RAP1A: variants seen among roughly 807,000 people sequenced by gnomAD.
RAP1A encodes the protein RAP1A, member of RAS oncogene family.
A neutral mutation model predicts 26.4 loss-of-function variants in RAP1A; 6 were observed. The ratio of observed to expected loss-of-function variants is 0.23; its 90% confidence interval spans 0.12 to 0.45. RAP1A has a LOEUF of 0.45. RAP1A is among the 20% of genes least tolerant of loss of function. The pLI is 0.99. For missense variants in RAP1A, 121 were observed against 217.2 expected, an observed-to-expected ratio of 0.56 and a Z score of 2.78; for synonymous variants, 73 against 79.4, an observed-to-expected ratio of 0.92 and a Z score of 0.43.
intron 1 of RAP1A, among the ~76,000 whole-genome samples, chr1:111,582,236 T>A (rs1362605777): frequency 6.6e-6 from 1 of 152,148 alleles, no homozygotes; most frequent in Non-Finnish European, 1.5e-5. Flanking sequence ...TTGGTGAGGC[T>A]ATGTGACTGA....
At chr1:111,657,133 C>T (rs1030132321) in intron 1 of RAP1A, among the ~76,000 whole-genome samples, 9 of 152,048 alleles carry the variant, frequency 5.9e-5, no homozygotes, top group African/African-American at 1.9e-4. Flanking sequence ...CATCAAAGAA[C>T]ACATCAAGGT....
intron 1 of RAP1A, among the ~76,000 whole-genome samples, chr1:111,588,942 C>T (rs531179275): frequency 6.6e-6 from 1 of 152,220 alleles, no homozygotes; most frequent in Non-Finnish European, 1.5e-5. Context: ...GTGAATAAGG[C>T]ATTTTTTATA....
chr1:111,713,205 T>G lies in RAP1A; in HGVS notation c.*804T>G, dbSNP rs1413323764. On this transcript the variant is annotated 3_prime_UTR_variant, in exon 8 of 8. Coordinates refer to ENST00000369709, the MANE Select transcript of RAP1A (RefSeq NM_002884.4). ...TTTAAATGCGACAGTAGCTCCTTTC[T>G]GCCTAGTATCTGCAGAACACTGGCT... 2 of 152,532 alleles carry G rather than the reference T, an allele frequency of 1.3e-5. No individual in the cohort carries two copies. The highest frequency in any genetic ancestry group is 1.3e-4 in the Admixed American group (2 of 15,292). The allele number at this position is 152,532 out of a possible 1,614,324, so 9.4% of individuals were successfully genotyped here.
intron 1 of RAP1A, among the ~76,000 whole-genome samples, chr1:111,690,111 T>G (rs1661623828): frequency 6.6e-6 from 1 of 152,192 alleles, no homozygotes; most frequent in Admixed American, 6.5e-5. Context: ...TTCAGACAAG[T>G]GGTTGAGTTA....
rs6681039 is a variant in RAP1A, at chr1:111,612,059, C to T, written c.-28+69550C>T. 7.5e-3 allele frequency among the ~76,000 whole-genome samples: 1,128 copies of T among 150,014 alleles called. 13 individuals are homozygous for T. The highest frequency in any genetic ancestry group is 0.026 in the African/African-American group (1,062 of 40,704). On this transcript the variant is annotated intron_variant, in intron 1 of 7. Transcript: ENST00000356415. ...AATAAATGATGTTAATTCACATCTA[C>T]AAAACTAGGCTTCTGGATTTCTCTT...
chr1:111,682,531 A>G (rs1661330705), intron 1 of RAP1A, among the ~76,000 whole-genome samples: 2 of 152,008 alleles, frequency 1.3e-5, no homozygotes, highest in Admixed American at 1.3e-4. Context: ...GGGGGTTGCA[A>G]TCCTAGTCTC....
At chr1:111,704,195 T>A in intron 5 of RAP1A, 148 bp from the exon 6 acceptor site, 5 of 520,974 alleles carry the variant, frequency 9.6e-6, no homozygotes, top group East Asian at 4.4e-5. Flanking sequence ...CCTCTTCCCC[T>A]CAACATATAC....
At chr1:111,615,252 AGG>A (rs1658993271), upstream of RAP1A, among the ~76,000 whole-genome samples, 1 of 151,958 alleles carries the variant, frequency 6.6e-6, no homozygotes, top group South Asian at 2.1e-4. Context: ...TTTTTAAAAT[AGG>A]GTGGAGTCAT....
intron 1 of RAP1A, among the ~76,000 whole-genome samples, chr1:111,622,021 A>C (rs1284841358): frequency 1.3e-5 from 2 of 152,320 alleles, no homozygotes; most frequent in African/African-American, 4.8e-5. Context: ...GTATATGCAC[A>C]TGTTCATTTA....
At chr1:111,641,268 TAA>T (rs1331071719) in intron 1 of RAP1A, among the ~76,000 whole-genome samples, 3 of 152,216 alleles carry the variant, frequency 2.0e-5, no homozygotes, top group African/African-American at 7.2e-5. Flanking sequence ...TCTTCAGAGA[TAA>T]GTTTTGTCAA....
chr1:111,584,671 C>T (rs1658326327), intron 1 of RAP1A, among the ~76,000 whole-genome samples: 1 of 152,118 alleles, frequency 6.6e-6, no homozygotes, highest in Admixed American at 6.5e-5. Context: ...AACAGCCTCT[C>T]GCATAGTGTT....
chr1:111,675,361 A>G (rs1205550666), intron 1 of RAP1A, among the ~76,000 whole-genome samples: 1 of 152,092 alleles, frequency 6.6e-6, no homozygotes, highest in East Asian at 1.9e-4. Context: ...AGTCTCAGCT[A>G]CTCGGGAGGC....
chr1:111,703,389 A>C lies in RAP1A; in HGVS notation c.237A>C (p.Ala79=). 1.9e-6 allele frequency: 3 copies of C among 1,601,828 alleles called. No homozygotes were observed. Among genetic ancestry groups the C allele is most frequent in the Non-Finnish European group, 2.6e-6 (3 of 1,171,794 alleles). Reference sequence around the variant, plus strand: ...ATATGAAGAACGGCCAAGGTTTTGCACTAGTATATTCTATTACAGCTCAGT... The same window carrying C: ...ATATGAAGAACGGCCAAGGTTTTGCCCTAGTATATTCTATTACAGCTCAGT... ...DLYMKNGQGF[A]LVYSITAQST... The change falls in exon 5 of 8, where the codon GCA becomes GCC. Residue 79 remains alanine, a synonymous_variant. Coordinates refer to ENST00000369709, the MANE Select transcript of RAP1A (RefSeq NM_002884.4).
At chr1:111,687,654 A>T (rs1003866195) in intron 1 of RAP1A, among the ~76,000 whole-genome samples, 1 of 152,110 alleles carries the variant, frequency 6.6e-6, no homozygotes, top group Non-Finnish European at 1.5e-5. Context: ...CTCTTCTACT[A>T]TTGTAATATA....
rs201697208 is a variant in RAP1A at position 111,578,596 on chromosome 1, G to GA, written c.-28+36096dup. On this transcript the variant is annotated intron_variant, in intron 1 of 7. Coordinates refer to the RAP1A transcript ENST00000356415. ...CAGAGAGAATAACAGAGTGTAAAAG[G>GA]AAAAAAAAAGGTTTTTTCCTACTCT... Among the ~76,000 whole-genome samples, 14 of 149,562 alleles carry GA rather than the reference G, an allele frequency of 9.4e-5. No homozygotes were observed. In the East Asian group the frequency reaches 1.4e-3, roughly 15 times the overall value.
intron 1 of RAP1A, among the ~76,000 whole-genome samples, chr1:111,631,910 A>G (rs1490558596): frequency 6.6e-6 from 1 of 152,110 alleles, no homozygotes; most frequent in African/African-American, 2.4e-5. Flanking sequence ...GCTTTAAAAA[A>G]AAAAAGTCTG....
intron 1 of RAP1A, among the ~76,000 whole-genome samples, chr1:111,639,848 G>C (rs74851499): frequency 1.3e-5 from 2 of 152,192 alleles, no homozygotes; most frequent in East Asian, 3.9e-4. Context: ...GTGGGTCTGC[G>C]TCTATCAAAG....
intron 1 of RAP1A, among the ~76,000 whole-genome samples, chr1:111,676,850 G>T (rs1661140931): frequency 6.6e-6 from 1 of 151,422 alleles, no homozygotes; most frequent in African/African-American, 2.4e-5. Context: ...CTGGAGTGCA[G>T]TGGTACAATC....
chr1:111,576,123 T>C (rs1658143005), intron 1 of RAP1A, among the ~76,000 whole-genome samples: 3 of 152,134 alleles, frequency 2.0e-5, no homozygotes, highest in Admixed American at 6.6e-5. Context: ...TTAAAGTGCA[T>C]ATGGATCACC....
Sources: gnomAD v4.1 joint callset for allele counts (sites outside exome capture counted in the v4.1 genomes callset) on GRCh38, gnomAD v4.1.1 for gene constraint, MANE v1.5 for transcripts, NCBI Gene and HGNC (gene_info 2026-07-23, HGNC 2026-07-21) for gene names.